Variants in CELF2 observed in about 807,000 individuals in gnomAD.
CELF2 encodes the protein CUG triplet repeat RNA-binding protein 2.
A neutral mutation model predicts 62.6 loss-of-function variants in CELF2; 8 were observed. That is an observed-to-expected ratio of 0.13 (90% CI 0.07 to 0.23). CELF2 has a LOEUF of 0.23. CELF2 is among the 10% of genes least tolerant of loss of function. The probability of loss-of-function intolerance (pLI) is 1.00; values close to 1 mark genes in which losing one functional copy is unlikely to be tolerated. For missense variants in CELF2, 333 were observed against 671.0 expected (o/e 0.50, Z 5.56); for synonymous variants, 258 against 250.0 (o/e 1.03, Z -0.30).
At chr10:10,872,411 C>T (rs142102870) in intron 1 of CELF2, among the ~76,000 whole-genome samples, 83 of 152,256 alleles carry the variant, frequency 5.5e-4, no homozygotes, top group Non-Finnish European at 3.8e-4. Context: ...TTCAAAGAAA[C>T]GATGTTCTAC....
intron 1 of CELF2, among the ~76,000 whole-genome samples, chr10:11,137,359 G>T (rs1258403985): frequency 6.6e-6 from 1 of 152,170 alleles, no homozygotes; most frequent in Non-Finnish European, 1.5e-5. Flanking sequence ...GGAAATTAAG[G>T]CATATTCTTT....
chr10:11,204,801 G>T (rs1053531950), intron 2 of CELF2, among the ~76,000 whole-genome samples: 1 of 152,210 alleles, frequency 6.6e-6, no homozygotes, highest in Non-Finnish European at 1.5e-5. Context: ...CGTCCTCATC[G>T]CAGCGTTTAG....
intron 1 of CELF2, among the ~76,000 whole-genome samples, chr10:11,061,034 A>C (rs765901619): frequency 2.0e-5 from 3 of 152,222 alleles, no homozygotes; most frequent in Admixed American, 6.5e-5. Context: ...GAAAGACTAA[A>C]GAATCAAAAG....
At chr10:10,689,963 G>A in the CELF2 span, among the ~76,000 whole-genome samples, 6 of 152,182 alleles carry the variant, frequency 3.9e-5, no homozygotes, top group South Asian at 2.1e-4. Context: ...TCTACATGCA[G>A]AGACTCCAGT....
At position 11,331,361 on chromosome 10, in the gene CELF2, A is replaced by G. The variant is rs1032705834; in HGVS notation, c.*2308A>G. 7 of 150,274 alleles carry G rather than the reference A, an allele frequency of 4.7e-5. No homozygotes were observed. The highest frequency in any genetic ancestry group is 3.3e-4 in the Admixed American group (5 of 15,100). 9.3% of individuals were successfully genotyped at this position (150,274 alleles called of 1,614,324 possible). ...CATGTGAGGGAAAAAAAAAAAACCT[A>G]TTCCAGAATAAGTTTTGTGTTGGCT... On this transcript the variant is annotated 3_prime_UTR_variant, in exon 13 of 13. Transcript: ENST00000633077.
intron 7 of CELF2, among the ~76,000 whole-genome samples, chr10:11,272,540 G>T (rs1178700231): frequency 6.6e-6 from 1 of 152,148 alleles, no homozygotes; most frequent in African/African-American, 2.4e-5. Flanking sequence ...CGTCTCCTGT[G>T]CCCCCACGGC....
Position 11,322,359 on chromosome 10 carries a change from T to C in CELF2, c.1294+973T>C, listed in dbSNP as rs533565684. On this transcript the variant is annotated intron_variant, in intron 11 of 12. Transcript: ENST00000633077. The stretch of plus-strand genomic sequence containing the variant: ...AGCAAAATAAACTCCAGGAAGTTAA[T>C]GCTAAGAATAAATGAAAGCTAATTA... Among the ~76,000 whole-genome samples, 6 of 152,346 alleles carry C rather than the reference T, an allele frequency of 3.9e-5. No individual in the cohort carries two copies. In the South Asian group the frequency reaches 8.3e-4, roughly 21 times the overall value.
At chr10:10,606,018 T>C in the CELF2 span, among the ~76,000 whole-genome samples, 4 of 152,212 alleles carry the variant, frequency 2.6e-5, no homozygotes, top group Non-Finnish European at 5.9e-5. Flanking sequence ...TGAATGTGAC[T>C]CAGAACGTTG....
chr10:10,564,690 A>G, the CELF2 span, among the ~76,000 whole-genome samples: 589 of 109,642 alleles, frequency 5.4e-3, 3 homozygotes, highest in African/African-American at 0.018. Context: ...ACGCACACAC[A>G]CACACACACA....
Position 10,944,714 on chromosome 10 carries a change from G to A in CELF2, c.89+24715G>A, listed in dbSNP as rs149937243. 3.3e-3 allele frequency among the ~76,000 whole-genome samples: 499 copies of A among 152,062 alleles called. 2 individuals are homozygous for A. Among genetic ancestry groups the A allele is most frequent in the African/African-American group, 0.012 (486 of 41,484 alleles). On this transcript the variant is annotated intron_variant, in intron 2 of 13. Transcript: ENST00000636488. ...CCTCCCAGGTTCAAGCGATTCTCAT[G>A]CCTCAGCCTCCCGAGTAGCTGGGAT... is the stretch of plus-strand genomic sequence containing the variant.
chr10:11,022,750 G>C (rs1016191313), intron 1 of CELF2, among the ~76,000 whole-genome samples: 7 of 152,138 alleles, frequency 4.6e-5, no homozygotes, highest in Admixed American at 1.3e-4. Flanking sequence ...GTGTAATACA[G>C]CCAGCGCCCA....
intron 4 of CELF2, among the ~76,000 whole-genome samples, chr10:11,251,102 A>G (rs541220268): frequency 1.3e-4 from 20 of 152,154 alleles, no homozygotes; most frequent in African/African-American, 4.1e-4. Flanking sequence ...TGGCTCCATG[A>G]TACTCTAAAC....
Position 11,260,947 on chromosome 10 carries a change from G to C in CELF2, c.538+3075G>C, listed in dbSNP as rs2080353306. ...AATATTAATGTGTCTCCCATTAGTG[G>C]CACTGCAGATAAAGGGCATTCAGCA... On this transcript the variant is annotated intron_variant, in intron 5 of 12. Coordinates refer to ENST00000633077, the MANE Select transcript of CELF2 (RefSeq NM_001326342.2). The surrounding 1 kb of genome is among the most constrained non-coding windows in gnomAD (Gnocchi z 4.2). 6.6e-6 allele frequency among the ~76,000 whole-genome samples: 1 copy of C among 152,140 alleles called. No homozygotes were observed. The highest frequency in any genetic ancestry group is 6.5e-5 in the Admixed American group (1 of 15,284).
Position 11,237,165 on chromosome 10 carries a change from G to A in CELF2, c.355-11988G>A, listed in dbSNP as rs535617780. ...TGAAAACCTCACTAGGGCTGTAGCCGTGGAAATAGAAAAGTCTATGAGAAG... is the reference window on the plus strand; with the variant it reads ...TGAAAACCTCACTAGGGCTGTAGCCATGGAAATAGAAAAGTCTATGAGAAG... On this transcript the variant is annotated intron_variant, in intron 3 of 12. Coordinates refer to ENST00000633077, the MANE Select transcript of CELF2 (RefSeq NM_001326342.2). This position sits in a 1 kb window ranked among gnomAD's most constrained non-coding sequence, Gnocchi z 4.0. Among the ~76,000 whole-genome samples the A allele has an allele frequency of 3.3e-5, 5 of 152,168 alleles. No individual in the cohort carries two copies. The highest frequency in any genetic ancestry group is 1.3e-4 in the Admixed American group (2 of 15,288).
In CELF2 at chr10:11,246,515, C is replaced by T. The variant is rs1341331191; in HGVS notation, c.355-2638C>T. Among the ~76,000 whole-genome samples the T allele has an allele frequency of 6.6e-6, 1 of 152,174 alleles. No homozygotes were observed. The highest frequency in any genetic ancestry group is 1.5e-5 in the Non-Finnish European group (1 of 68,032). ...TCCCATGACCAGTTGTTCACTGCCC[C>T]TCCACAGAACCTACTTCTGATAAAT... On this transcript the variant is annotated intron_variant, in intron 3 of 12. Coordinates refer to ENST00000633077, the MANE Select transcript of CELF2 (RefSeq NM_001326342.2). The surrounding 1 kb of genome is among the most constrained non-coding windows in gnomAD (Gnocchi z 4.6).
intron 2 of CELF2, among the ~76,000 whole-genome samples, chr10:10,924,389 C>T (rs973748229): frequency 1.4e-5 from 2 of 147,348 alleles, no homozygotes; most frequent in African/African-American, 5.0e-5. Flanking sequence ...AAAAAGGGAG[C>T]ATTTTAATTC....
At chr10:10,836,839 G>A (rs537557612) in intron 1 of CELF2, among the ~76,000 whole-genome samples, 9 of 152,154 alleles carry the variant, frequency 5.9e-5, no homozygotes, top group South Asian at 4.1e-4. Context: ...GTTTCACCGC[G>A]TTAGCCAGGA....
chr10:11,108,862 A>G (rs2054379836), intron 1 of CELF2, among the ~76,000 whole-genome samples: 1 of 152,166 alleles, frequency 6.6e-6, no homozygotes. Context: ...ACCTGTTCAC[A>G]TCGTATGCAC....
the CELF2 span, among the ~76,000 whole-genome samples, chr10:10,686,885 C>T: frequency 1.3e-5 from 2 of 152,162 alleles, no homozygotes; most frequent in Non-Finnish European, 2.9e-5. Flanking sequence ...TGACTGGTCC[C>T]ATGCCCAGCC....
Sources: gnomAD v4.1 joint callset for allele counts (sites outside exome capture counted in the v4.1 genomes callset) on GRCh38, gnomAD v4.1.1 for gene constraint, Gnocchi (gnomAD v3.1) non-coding constraint, MANE v1.5 for transcripts, NCBI Gene and HGNC (gene_info 2026-07-23, HGNC 2026-07-21) for gene names.